Variants in KIN observed in about 807,000 individuals in gnomAD.
The protein encoded by KIN is DNA/RNA-binding protein KIN17.
Under a neutral mutation model 63.0 loss-of-function variants are expected in KIN, and 47 were observed. The ratio of observed to expected loss-of-function variants is 0.75; its 90% CI spans 0.59 to 0.95. The LOEUF (loss-of-function observed/expected upper bound fraction) is 0.95. Among genes scored for constraint, KIN ranks in the 40% least tolerant of loss-of-function variants. The pLI is 0.00. For synonymous variants in KIN, 160 were observed against 157.7 expected, an observed-to-expected ratio of 1.01 and a Z score of -0.11; for missense variants, 408 against 460.9, an observed-to-expected ratio of 0.89 and a Z score of 1.05.
Position 7,756,086 on chromosome 10 carries a change from A to G in KIN, c.1176T>C (p.Leu392=), listed in dbSNP as rs373109931. The G allele has an allele frequency of 3.2e-6, 5 of 1,581,802 alleles. No individual in the cohort carries two copies. In the African/African-American group the frequency reaches 6.8e-5, roughly 21 times the overall value. Residue 392 remains leucine (L), a synonymous_variant, in exon 13 of 13, where the codon CTT becomes CTC. Transcript: ENST00000379562. ...TGTTAACAAATTTTCAAACTCAGGC[A>G]AGTTTAGAAATGTCTTCATATTGAA... is the stretch of plus-strand genomic sequence containing the variant. ...EGIQYEDISK[L]A
At chr10:7,764,045 G>A (rs1308566375) in intron 9 of KIN, among the ~76,000 whole-genome samples, 1 of 152,162 alleles carries the variant, frequency 6.6e-6, no homozygotes, top group African/African-American at 2.4e-5. Flanking sequence ...AAAAATGTCT[G>A]ATTTCTACAT....
intron 5 of KIN, 137 bp from the exon 6 acceptor site, chr10:7,775,936 T>C (rs1048372969): frequency 7.8e-6 from 4 of 514,646 alleles, no homozygotes; most frequent in African/African-American, 2.0e-5. Flanking sequence ...ATTAAGAAAT[T>C]ACATGCTTTC....
rs560908049 is a variant in KIN, at chr10:7,751,891, C to A, written c.*4189G>T. 12 of 2,030 alleles carry A rather than the reference C, an allele frequency of 5.9e-3. 6 individuals carry two copies. The highest frequency in any genetic ancestry group is 0.011 in the Non-Finnish European group (12 of 1,050). The allele number at this position is 2,030 out of a possible 1,614,324, so 0.1% of individuals were successfully genotyped here. A position where few individuals can be genotyped will look rare whatever the true frequency, so the allele number is the denominator to read the frequency against. ...TGTACTAAAAATACAAAAAATTAGC[C>A]GGGCGCGGTGGCGGGCGCCTGTAGT... On this transcript the variant is annotated 3_prime_UTR_variant, in exon 13 of 13. Coordinates refer to ENST00000379562, the MANE Select transcript of KIN (RefSeq NM_012311.4).
At chr10:7,780,667 C>G (rs949383843) in intron 2 of KIN, among the ~76,000 whole-genome samples, 6 of 152,210 alleles carry the variant, frequency 3.9e-5, no homozygotes, top group Non-Finnish European at 8.8e-5. Flanking sequence ...TCCCAAGGTG[C>G]TGGGACTACA....
chr10:7,776,410 C>T (rs1176193955), intron 5 of KIN, among the ~76,000 whole-genome samples: 2 of 144,438 alleles, frequency 1.4e-5, no homozygotes, highest in Non-Finnish European at 3.0e-5. Flanking sequence ...GGTGTGATGG[C>T]GGGCGCCTGT....
At chr10:7,757,055 C>G (rs1255908191) in intron 12 of KIN, among the ~76,000 whole-genome samples, 1 of 152,128 alleles carries the variant, frequency 6.6e-6, no homozygotes, top group African/African-American at 2.4e-5. Flanking sequence ...GCCTTATTAT[C>G]TCCCAGTGGA....
intron 9 of KIN, among the ~76,000 whole-genome samples, chr10:7,764,885 C>T (rs1301550076): frequency 1.3e-5 from 2 of 152,142 alleles, no homozygotes; most frequent in Non-Finnish European, 2.9e-5. Flanking sequence ...GTGGGCCGGG[C>T]GCGGTGGCTC....
At chr10:7,765,137 C>G in intron 9 of KIN, among the ~76,000 whole-genome samples, 1 of 112,986 alleles carries the variant, frequency 8.9e-6, no homozygotes. Flanking sequence ...CCAGCCTGGG[C>G]AATGAGAGCA....
chr10:7,758,106 C>T (rs1460868202), intron 12 of KIN, among the ~76,000 whole-genome samples: 4 of 143,400 alleles, frequency 2.8e-5, no homozygotes, highest in East Asian at 2.0e-4. Context: ...GACGGAGTCT[C>T]GCTGTCACCC....
At position 7,782,666 on chromosome 10, in the gene KIN, G is replaced by C. The variant is rs57962611; in HGVS notation, c.209+415C>G. On this transcript the variant is annotated intron_variant, in intron 2 of 12. Coordinates refer to ENST00000379562, the MANE Select transcript of KIN (RefSeq NM_012311.4). ...CCCGCCTCAGCCTCCCAAAGTGCTG[G>C]GATTACAGGTGTGAGCCACCTCGCC... 6.9e-3 allele frequency among the ~76,000 whole-genome samples: 1,052 copies of C among 152,102 alleles called. 7 individuals carry two copies. The highest frequency in any genetic ancestry group is 0.024 in the African/African-American group (991 of 41,474).
rs1414693859 is a variant in KIN, at chr10:7,787,880, G to T, written c.54C>A (p.Ser18=). 1 of 1,614,086 alleles carries T rather than the reference G, an allele frequency of 6.2e-7. No individual in the cohort carries two copies. The highest frequency in any genetic ancestry group is 8.5e-7 in the Non-Finnish European group (1 of 1,180,016). The change falls in exon 1 of 13, where the codon TCC becomes TCA. Residue 18 remains serine (S), a synonymous_variant. Coordinates refer to ENST00000379562, the MANE Select transcript of KIN (RefSeq NM_012311.4). ...ACCAGCGTAGCTTCTGCAGCCCCTTGGACTTGATCCTGTTGGCGATAGCCT... is the reference window on the plus strand; with the variant it reads ...ACCAGCGTAGCTTCTGCAGCCCCTTTGACTTGATCCTGTTGGCGATAGCCT... ...TPKAIANRIK[S]KGLQKLRWYC...
intron 8 of KIN, among the ~76,000 whole-genome samples, chr10:7,767,719 C>G (rs1326664378): frequency 6.6e-6 from 1 of 152,070 alleles, no homozygotes; most frequent in East Asian, 1.9e-4. Flanking sequence ...ATTAGCCAGG[C>G]ATGGTGGCGG....
intron 8 of KIN, among the ~76,000 whole-genome samples, chr10:7,767,183 A>G (rs1835563484): frequency 2.0e-5 from 3 of 152,140 alleles, no homozygotes; most frequent in African/African-American, 7.2e-5. Context: ...TAAGACCTCT[A>G]TGGTGTTGGC....
chr10:7,778,284 G>C (rs1055087947), intron 5 of KIN, among the ~76,000 whole-genome samples: 2 of 152,124 alleles, frequency 1.3e-5, no homozygotes, highest in Non-Finnish European at 2.9e-5. Context: ...TTAGATATAA[G>C]GAAATTGAGG....
chr10:7,760,421 A>G (rs1020319017), intron 11 of KIN, among the ~76,000 whole-genome samples: 6 of 152,324 alleles, frequency 3.9e-5, no homozygotes, highest in African/African-American at 1.4e-4. Context: ...AAGAAAAAAG[A>G]AACCAGATAT....
At position 7,780,144 on chromosome 10, in the gene KIN, G is replaced by A. The variant is rs146367948; in HGVS notation, c.288C>T (p.Asn96=). ...TGTGCTCTCGGTGGCTGATGTATTC[G>A]TTGTAGACAATGTTGTTGTGGACCC... is the stretch of plus-strand genomic sequence containing the variant. ...TKRVHNNIVY[N]EYISHREHIH... The change falls in exon 4 of 13, where the codon AAC becomes AAT. Residue 96 remains asparagine (N), a synonymous_variant. Transcript: ENST00000379562. 119 of 1,608,568 alleles carry A rather than the reference G, an allele frequency of 7.4e-5. No homozygotes were observed. The highest frequency in any genetic ancestry group is 1.7e-4 in the Middle Eastern group (1 of 6,046).
At position 7,751,884 on chromosome 10, in the gene KIN, A is replaced by C. The variant is rs1396557859; in HGVS notation, c.*4196T>G. On this transcript the variant is annotated 3_prime_UTR_variant, in exon 13 of 13. Coordinates refer to ENST00000379562, the MANE Select transcript of KIN (RefSeq NM_012311.4). ...GTAACGATGTACTAAAAATACAAAA[A>C]ATTAGCCGGGCGCGGTGGCGGGCGC... 6 of 28,610 alleles carry C rather than the reference A, an allele frequency of 2.1e-4. 3 individuals carry two copies. In the East Asian group the frequency reaches 0.012, roughly 56 times the overall value. 1.8% of individuals were successfully genotyped at this position (28,610 alleles called of 1,614,324 possible).
At chr10:7,775,641 C>CA in intron 6 of KIN, 110 bp downstream of exon 6, 1 of 558,934 alleles carries the variant, frequency 1.8e-6, no homozygotes, top group Admixed American at 3.5e-5. Flanking sequence ...CAATGTAACT[C>CA]AGACACATTC....
Position 7,756,114 on chromosome 10 carries a change from C to A in KIN, c.1148G>T (p.Gly383Val). 3 of 1,589,028 alleles carry A rather than the reference C, an allele frequency of 1.9e-6. No homozygotes were observed. Among genetic ancestry groups the A allele is most frequent in the Non-Finnish European group, 2.6e-6 (3 of 1,167,000 alleles). ...TTTAGAAATGTCTTCATATTGAATT[C>A]CTTCAACTCTGCGTCCTTTTAAAGG... ...TGPLKGRRVE[G>V]IQYEDISKLA is the part of the protein sequence containing the mutation. The change falls in exon 13 of 13, where the codon GGA becomes GTA. Residue 383 changes from glycine to valine, a missense_variant. Gly to Val is a moderately radical substitution (Grantham distance 109). Around this residue, in one of 2 missense-constraint regions of KIN, gnomAD observed 298 missense variants for 296.0 expected, o/e 1.01. Coordinates refer to ENST00000379562, the MANE Select transcript of KIN (RefSeq NM_012311.4).
Sources: gnomAD v4.1 joint callset for allele counts (sites outside exome capture counted in the v4.1 genomes callset) on GRCh38, gnomAD v4.1.1 for gene constraint, gnomAD v4.1.1 regional missense constraint, MANE v1.5 for transcripts, NCBI Gene and HGNC (gene_info 2026-07-23, HGNC 2026-07-21) for gene names.